The following RAPGEF1 variants were observed in gnomAD, a reference collection of about 807,000 sequenced individuals.
The protein encoded by RAPGEF1 is CRK SH3-binding GNRP.
RAPGEF1 carries 33 observed loss-of-function variants against 143.3 expected under a neutral mutation model. The ratio of observed to expected loss-of-function variants is 0.23; its 90% CI spans 0.17 to 0.31. The LOEUF (loss-of-function observed/expected upper bound fraction) is 0.31. Among genes scored for constraint, RAPGEF1 ranks in the 10% least tolerant of loss-of-function variants. RAPGEF1 has a pLI of 1.00. For synonymous variants in RAPGEF1, 629 were observed against 676.5 expected (o/e 0.93, Z 1.09); for missense variants, 1,199 against 1,645.4 (o/e 0.73, Z 4.69).
chr9:131,714,452 A>G (rs937449802), intron 1 of RAPGEF1, among the ~76,000 whole-genome samples: 2 of 152,142 alleles, frequency 1.3e-5, no homozygotes, highest in Admixed American at 1.3e-4. Flanking sequence ...GGTACCCGGT[A>G]GCTCACACAA....
chr9:131,590,087 G>T, intron 18 of RAPGEF1, 109 bp from the exon 19 acceptor site: 1 of 946,360 alleles, frequency 1.1e-6, no homozygotes, highest in Non-Finnish European at 1.7e-6. Flanking sequence ...CCATCTTCCT[G>T]CATGTAAAGC....
intron 1 of RAPGEF1, among the ~76,000 whole-genome samples, chr9:131,696,324 A>AT (rs1834175954): frequency 1.3e-5 from 2 of 152,316 alleles, no homozygotes; most frequent in East Asian, 1.9e-4. Flanking sequence ...ACAAAGACCT[A>AT]TTTTTTAAGG....
At chr9:131,630,215 C>T (rs770787516) in intron 6 of RAPGEF1, 21 bp downstream of exon 6, 38 of 1,610,278 alleles carry the variant, frequency 2.4e-5, no homozygotes, top group South Asian at 7.7e-5. Flanking sequence ...ACCCGCGACA[C>T]GAGGGTTAGT....
intron 1 of RAPGEF1, among the ~76,000 whole-genome samples, chr9:131,721,439 CAG>C (rs1836257738): frequency 6.6e-6 from 1 of 152,144 alleles, no homozygotes; most frequent in South Asian, 2.1e-4. Flanking sequence ...AGCAAAAATC[CAG>C]AGTCCAACCC....
At chr9:131,732,820 T>C (rs1201352309) in intron 1 of RAPGEF1, among the ~76,000 whole-genome samples, 2 of 152,198 alleles carry the variant, frequency 1.3e-5, no homozygotes, top group South Asian at 2.1e-4. Context: ...TGAGCACCTA[T>C]TGCGTTCAAG....
chr9:131,597,381 T>C (rs1412226658), intron 16 of RAPGEF1, among the ~76,000 whole-genome samples: 1 of 152,222 alleles, frequency 6.6e-6, no homozygotes, highest in Non-Finnish European at 1.5e-5. Flanking sequence ...CAGCCCTGCC[T>C]GTGTGTGACA....
intron 22 of RAPGEF1, among the ~76,000 whole-genome samples, chr9:131,586,414 A>ACC (rs1468261139): frequency 3.9e-5 from 4 of 101,886 alleles, no homozygotes; most frequent in Non-Finnish European, 8.4e-5. Context: ...ACACACACAC[A>ACC]CACACCTGCA....
chr9:131,676,273 G>T (rs1564680933), intron 1 of RAPGEF1, among the ~76,000 whole-genome samples: 2 of 152,184 alleles, frequency 1.3e-5, no homozygotes, highest in African/African-American at 4.8e-5. Context: ...CTGAGGAAAG[G>T]GGCAAGGGCT....
At chr9:131,700,239 A>G (rs1834527486) in intron 1 of RAPGEF1, among the ~76,000 whole-genome samples, 1 of 152,178 alleles carries the variant, frequency 6.6e-6, no homozygotes. Flanking sequence ...CCTCCGCCCT[A>G]GTCACACATT....
intron 20 of RAPGEF1, 26 bp from the exon 21 acceptor site, chr9:131,588,052 C>G: frequency 6.3e-7 from 1 of 1,594,680 alleles, no homozygotes; most frequent in Non-Finnish European, 8.6e-7. Context: ...GTGAGAAGAG[C>G]CGTCAGGGGT....
intron 12 of RAPGEF1, among the ~76,000 whole-genome samples, chr9:131,614,678 G>A (rs890010664): frequency 1.3e-5 from 2 of 152,260 alleles, no homozygotes; most frequent in Non-Finnish European, 2.9e-5. Flanking sequence ...TGAAGCTCAA[G>A]CCTTCTGTTG....
chr9:131,604,494 T>C (rs1956786839), intron 13 of RAPGEF1, among the ~76,000 whole-genome samples: 1 of 152,230 alleles, frequency 6.6e-6, no homozygotes, highest in South Asian at 2.1e-4. Context: ...GCTTCTGTCA[T>C]CGGCACCACA....
At chr9:131,586,953 G>A (rs1286368563) in intron 22 of RAPGEF1, among the ~76,000 whole-genome samples, 4 of 90,122 alleles carry the variant, frequency 4.4e-5, no homozygotes, top group East Asian at 2.9e-4. Context: ...CCTGCAGAGC[G>A]AGACTCCGTC....
rs766342042 is a variant in RAPGEF1, at chr9:131,621,335, G to A, written c.1905+461C>T. On this transcript the variant is annotated intron_variant, in intron 11 of 26. Coordinates refer to ENST00000683357, the MANE Select transcript of RAPGEF1 (RefSeq NM_001377935.1). The surrounding 1 kb of genome is among the most constrained non-coding windows in gnomAD (Gnocchi z 4.5). ...CACTTGTTTTCCTTGGGCCCTCCCCGGCCAAGGCTGGGTTGTAAGTCACTC... is the reference window on the plus strand; with the variant it reads ...CACTTGTTTTCCTTGGGCCCTCCCCAGCCAAGGCTGGGTTGTAAGTCACTC... Among the ~76,000 whole-genome samples the A allele has an allele frequency of 8.5e-5, 13 of 152,314 alleles. No individual in the cohort carries two copies. Among genetic ancestry groups the A allele is most frequent in the Non-Finnish European group, 1.3e-4 (9 of 68,016 alleles).
chr9:131,646,412 G>A (rs1486549662), intron 3 of RAPGEF1, among the ~76,000 whole-genome samples: 1 of 152,214 alleles, frequency 6.6e-6, no homozygotes, highest in African/African-American at 2.4e-5. Flanking sequence ...TTTAACAAAC[G>A]AGTAAACTAA....
intron 17 of RAPGEF1, 48 bp downstream of exon 17, chr9:131,596,250 A>T: frequency 6.3e-7 from 1 of 1,578,736 alleles, no homozygotes; most frequent in Non-Finnish European, 8.7e-7. Flanking sequence ...GCCGAGTGGC[A>T]CCCGGGGCAG....
At chr9:131,617,568 GA>G (rs1564536089) in intron 12 of RAPGEF1, among the ~76,000 whole-genome samples, 1 of 152,104 alleles carries the variant, frequency 6.6e-6, no homozygotes, top group Non-Finnish European at 1.5e-5. Context: ...TACAGAGGGG[GA>G]AAAAAGGCCA....
chr9:131,589,072 C>A (rs771172570), intron 19 of RAPGEF1, 86 bp from the exon 20 acceptor site: 4 of 1,332,054 alleles, frequency 3.0e-6, no homozygotes, highest in East Asian at 4.7e-5. Context: ...ACAAAGGGCA[C>A]GGGGCTGTGA....
Position 131,631,300 on chromosome 9 carries a change from A to AC in RAPGEF1, c.652-977dup, listed in dbSNP as rs1964780358. ...GACCATCAACACAATCAATTTTAGG[A>AC]CTTCTCATCACCCCATAAGGAAGCT... is the stretch of plus-strand genomic sequence containing the variant. On this transcript the variant is annotated intron_variant, in intron 5 of 26. Coordinates refer to ENST00000683357, the MANE Select transcript of RAPGEF1 (RefSeq NM_001377935.1). 1.3e-5 allele frequency among the ~76,000 whole-genome samples: 2 copies of AC among 152,102 alleles called. 1 individual carries two copies. Among genetic ancestry groups the AC allele is most frequent in the South Asian group, 4.1e-4 (2 of 4,832 alleles).
Sources: gnomAD v4.1 joint callset for allele counts (sites outside exome capture counted in the v4.1 genomes callset) on GRCh38, gnomAD v4.1.1 for gene constraint, Gnocchi (gnomAD v3.1) non-coding constraint, MANE v1.5 for transcripts, NCBI Gene and HGNC (gene_info 2026-07-23, HGNC 2026-07-21) for gene names.